Variants in NRG1 observed in about 807,000 individuals in gnomAD.
NRG1 encodes the protein neuregulin 1.
In NRG1, 18 loss-of-function variants were observed where a neutral mutation model predicts 63.8. The ratio of observed to expected loss-of-function variants is 0.28; its 90% CI spans 0.19 to 0.42. The LOEUF (loss-of-function observed/expected upper bound fraction) is 0.42, where lower values mean the gene tolerates loss of function less well. NRG1 is among the 10% of genes least tolerant of loss of function. The probability of loss-of-function intolerance (pLI) is 1.00; values close to 1 mark genes in which losing one functional copy is unlikely to be tolerated. For synonymous variants in NRG1, 302 were observed against 301.3 expected, an observed-to-expected ratio of 1.00 and a Z score of -0.02; for missense variants, 762 against 814.7, an observed-to-expected ratio of 0.94 and a Z score of 0.79.
intron 1 of NRG1, among the ~76,000 whole-genome samples, chr8:32,044,017 A>C (rs1304996019): frequency 6.6e-6 from 1 of 151,920 alleles, no homozygotes; most frequent in African/African-American, 2.4e-5. Flanking sequence ...TACCAGAATA[A>C]ATAAAGAAAA....
intron 1 of NRG1, among the ~76,000 whole-genome samples, chr8:31,877,795 C>T (rs1830043418): frequency 6.6e-6 from 1 of 152,068 alleles, no homozygotes; most frequent in Non-Finnish European, 1.5e-5. Flanking sequence ...GGCAAGGTTG[C>T]TGGGTGCCCT....
At chr8:32,612,360 A>C (rs1846511177) in intron 3 of NRG1, among the ~76,000 whole-genome samples, 1 of 152,098 alleles carries the variant, frequency 6.6e-6, no homozygotes, top group Non-Finnish European at 1.5e-5. Context: ...TAACTTTCTT[A>C]CTAGCAAGAT....
rs114908806 is a variant in NRG1, at chr8:31,664,782, T to C, written c.37+25351T>C. 4.5e-3 allele frequency among the ~76,000 whole-genome samples: 686 copies of C among 152,296 alleles called. 8 individuals carry two copies. The highest frequency in any genetic ancestry group is 0.016 in the African/African-American group (648 of 41,560). On this transcript the variant is annotated intron_variant, in intron 1 of 10. Transcript: ENST00000519301. ...GGAAAAGGAACAAGCTACAGTTAAC[T>C]GGTAAAACTCAGTCATATTATAGGT...
intron 1 of NRG1, among the ~76,000 whole-genome samples, chr8:31,698,883 C>T (rs145111148): frequency 6.6e-6 from 1 of 152,246 alleles, no homozygotes; most frequent in East Asian, 1.9e-4. Flanking sequence ...GCTTTTAGCA[C>T]CAAGGTTAAA....
chr8:32,086,931 T>G (rs1215570698), intron 1 of NRG1, among the ~76,000 whole-genome samples: 4 of 152,194 alleles, frequency 2.6e-5, no homozygotes, highest in Non-Finnish European at 5.9e-5. Flanking sequence ...ACTTTACATT[T>G]TAAGTGTTCA....
chr8:31,850,811 C>T (rs1353113478), intron 1 of NRG1, among the ~76,000 whole-genome samples: 1 of 152,178 alleles, frequency 6.6e-6, no homozygotes, highest in Admixed American at 6.6e-5. Context: ...TTGCTTATCA[C>T]CCACTCTCTA....
At chr8:31,929,695 C>T (rs1277946191) in intron 1 of NRG1, among the ~76,000 whole-genome samples, 1 of 152,144 alleles carries the variant, frequency 6.6e-6, no homozygotes, top group Non-Finnish European at 1.5e-5. Flanking sequence ...AGACATATAA[C>T]TTCCTGTTAT....
chr8:32,511,375 A>G (rs879390727), intron 1 of NRG1, among the ~76,000 whole-genome samples: 14,429 of 121,370 alleles, frequency 0.12, 1,087 homozygotes, highest in Admixed American at 0.27. Flanking sequence ...GTGTATATAT[A>G]TATATATATA....
intron 1 of NRG1, among the ~76,000 whole-genome samples, chr8:32,250,522 C>T (rs972111621): frequency 1.3e-5 from 2 of 150,716 alleles, no homozygotes; most frequent in African/African-American, 4.9e-5. Flanking sequence ...GACACTGATA[C>T]CTTCTAGTCT....
chr8:31,919,442 G>A (rs1833711509), intron 1 of NRG1, among the ~76,000 whole-genome samples: 1 of 149,762 alleles, frequency 6.7e-6, no homozygotes, highest in Non-Finnish European at 1.5e-5. Context: ...AAATCCAAAA[G>A]ACAACTACCT....
chr8:32,680,075 T>C (rs1808197720), intron 5 of NRG1, among the ~76,000 whole-genome samples: 1 of 152,212 alleles, frequency 6.6e-6, no homozygotes, highest in South Asian at 2.1e-4. Flanking sequence ...CTTTTAACTA[T>C]GAATTAAAGT....
At chr8:32,567,831 A>G (rs1837743654) in intron 1 of NRG1, among the ~76,000 whole-genome samples, 1 of 152,218 alleles carries the variant, frequency 6.6e-6, no homozygotes, top group Admixed American at 6.5e-5. Context: ...TGGAGTGTCA[A>G]TTGAAGAAAT....
intron 1 of NRG1, among the ~76,000 whole-genome samples, chr8:32,275,517 G>T (rs1354062211): frequency 6.6e-6 from 1 of 152,110 alleles, no homozygotes; most frequent in Non-Finnish European, 1.5e-5. Flanking sequence ...AGGACATTAA[G>T]ACGGAGCTGA....
At chr8:32,026,229 A>G (rs1817355574) in intron 1 of NRG1, 1 of 151,598 alleles carries the variant, frequency 6.6e-6, no homozygotes, top group Non-Finnish European at 1.5e-5. Flanking sequence ...TGCAATCTCT[A>G]TGGTAACCAC....
intron 1 of NRG1, among the ~76,000 whole-genome samples, chr8:32,043,733 A>G (rs372650994): frequency 6.6e-6 from 1 of 151,944 alleles, no homozygotes; most frequent in East Asian, 1.9e-4. Flanking sequence ...TAAATATAAC[A>G]TGAAAATTAA....
intron 1 of NRG1, among the ~76,000 whole-genome samples, chr8:32,397,871 T>C (rs185278840): frequency 3.3e-5 from 5 of 152,312 alleles, no homozygotes; most frequent in Admixed American, 3.3e-4. Context: ...TTTTGGCATG[T>C]TTAAAGTATC....
Position 32,340,189 on chromosome 8 carries a change from A to G in NRG1, c.38-255639A>G, listed in dbSNP as rs575931156. 6.1e-4 allele frequency among the ~76,000 whole-genome samples: 93 copies of G among 152,382 alleles called. 1 individual carries two copies. In the South Asian group the frequency reaches 0.019, roughly 31 times the overall value. ...TATTATTTTATAGTGTGCAACATTT[A>G]AAACAATACACATGTAAAAAATAAA... On this transcript the variant is annotated intron_variant, in intron 1 of 10. Transcript: ENST00000519301.
At chr8:32,504,627 G>C (rs1022191750) in intron 1 of NRG1, among the ~76,000 whole-genome samples, 1 of 152,018 alleles carries the variant, frequency 6.6e-6, no homozygotes, top group African/African-American at 2.4e-5. Context: ...GACAGAAACA[G>C]ATAGAGATTA....
Position 32,595,808 on chromosome 8 carries a change from A to T in NRG1, c.101-20A>T, listed in dbSNP as rs113928729. 6.3e-7 allele frequency: 1 copy of T among 1,596,560 alleles called. No homozygotes were observed. The highest frequency in any genetic ancestry group is 8.5e-7 in the Non-Finnish European group (1 of 1,173,498). On this transcript the variant is annotated intron_variant, in intron 1 of 11. Transcript: ENST00000356819. ...TGCCTGGTGATCAGAGTTGTTTTTC[A>T]TTCTCTTTTCTTCTTTTAGCCTTGC... is the stretch of plus-strand genomic sequence containing the variant.
Sources: gnomAD v4.1 joint callset for allele counts (sites outside exome capture counted in the v4.1 genomes callset) on GRCh38, gnomAD v4.1.1 for gene constraint, MANE v1.5 for transcripts, NCBI Gene and HGNC (gene_info 2026-07-23, HGNC 2026-07-21) for gene names.